The following ROCK1 variants were observed in gnomAD, a reference collection of about 807,000 sequenced individuals.
The protein encoded by ROCK1 is Rho associated coiled-coil containing protein kinase 1.
A neutral mutation model predicts 196.8 loss-of-function variants in ROCK1; 36 were observed. The ratio of observed to expected loss-of-function variants is 0.18; its 90% CI spans 0.14 to 0.24. ROCK1 has a LOEUF of 0.24. Ranked by LOEUF, ROCK1 falls within the 10% of genes least tolerant of loss-of-function variation. The pLI, the probability that ROCK1 is intolerant of heterozygous loss-of-function variation, is 1.00. For missense variants in ROCK1, 920 were observed against 1,562.0 expected (o/e 0.59, Z 6.93); for synonymous variants, 443 against 515.9 (o/e 0.86, Z 1.91).
intron 20 of ROCK1, among the ~76,000 whole-genome samples, chr18:20,983,946 G>A (rs1174779631): frequency 6.6e-6 from 1 of 152,150 alleles, no homozygotes; most frequent in African/African-American, 2.4e-5. Context: ...TTTCAAATAA[G>A]GAGGCATATC....
chr18:21,064,457 T>C (rs1344274276), intron 2 of ROCK1, among the ~76,000 whole-genome samples: 2 of 152,228 alleles, frequency 1.3e-5, no homozygotes, highest in Non-Finnish European at 2.9e-5. Context: ...ATCCATGAGA[T>C]GGTAAGAGCT....
At chr18:21,043,112 T>G (rs1362796847) in intron 6 of ROCK1, among the ~76,000 whole-genome samples, 1 of 152,084 alleles carries the variant, frequency 6.6e-6, no homozygotes, top group Non-Finnish European at 1.5e-5. Flanking sequence ...CCAGTGCAAA[T>G]ACACTGGGGA....
chr18:21,019,559 C>T (rs1294573511), intron 12 of ROCK1, among the ~76,000 whole-genome samples: 2 of 151,664 alleles, frequency 1.3e-5, no homozygotes, highest in African/African-American at 4.8e-5. Flanking sequence ...TTTTGGAGGC[C>T]GAGGCGGGCA....
chr18:20,965,348 C>G (rs1202665991), intron 27 of ROCK1, among the ~76,000 whole-genome samples: 2 of 152,098 alleles, frequency 1.3e-5, no homozygotes, highest in African/African-American at 4.8e-5. Flanking sequence ...GATCACGCCA[C>G]TGCACTCTAG....
chr18:20,994,371 T>C (rs2143413618), intron 16 of ROCK1, among the ~76,000 whole-genome samples: 1 of 152,312 alleles, frequency 6.6e-6, no homozygotes, highest in South Asian at 2.1e-4. Context: ...TAGTGGTTCA[T>C]GCCTGTAATC....
chr18:21,030,777 C>T (rs942604053), intron 9 of ROCK1, among the ~76,000 whole-genome samples: 1 of 152,106 alleles, frequency 6.6e-6, no homozygotes, highest in Admixed American at 6.5e-5. Flanking sequence ...CATTAAATAA[C>T]TGTTAATTTA....
chr18:20,978,432 T>C (rs983564776), intron 22 of ROCK1, among the ~76,000 whole-genome samples: 1 of 152,230 alleles, frequency 6.6e-6, no homozygotes, highest in Admixed American at 6.5e-5. Flanking sequence ...ATGTCAGAAA[T>C]GTTCTATATC....
rs1250960107 is a variant in ROCK1, at chr18:21,039,368, G to A, written c.1051+104C>T. 6.4e-6 allele frequency: 5 copies of A among 778,890 alleles called. No homozygotes were observed. In the African/African-American group the frequency reaches 8.8e-5, roughly 14 times the overall value. The allele number at this position is 778,890 out of a possible 1,614,324, so 48.2% of individuals were successfully genotyped here. ...TTCCCATATAGTATTTGTGGCTTCT[G>A]ATTTTCATCAGATACACACAAATAT... On this transcript the variant is annotated intron_variant, in intron 9 of 32. Coordinates refer to ENST00000399799, the MANE Select transcript of ROCK1 (RefSeq NM_005406.3).
intron 2 of ROCK1, 69 bp downstream of exon 2, chr18:21,070,463 G>A: frequency 1.3e-6 from 1 of 776,732 alleles, no homozygotes; most frequent in Non-Finnish European, 2.1e-6. Flanking sequence ...AAAAATAAGG[G>A]CTTGAATGAC....
At chr18:21,091,921 A>G (rs1207559232) in intron 1 of ROCK1, among the ~76,000 whole-genome samples, 7 of 152,058 alleles carry the variant, frequency 4.6e-5, no homozygotes, top group Non-Finnish European at 1.0e-4. Context: ...CAAAGGTTGC[A>G]GTGAGCCGAG....
chr18:21,045,635 T>C (rs528022784), intron 4 of ROCK1, among the ~76,000 whole-genome samples, 168 bp from the exon 5 acceptor site: 1 of 152,306 alleles, frequency 6.6e-6, no homozygotes, highest in African/African-American at 2.4e-5. Context: ...ACAAAGACCC[T>C]TGTATATGCA....
In ROCK1 at chr18:20,948,166, A is replaced by G. The variant is rs2035147812; in HGVS notation, c.*3218T>C. The G allele has an allele frequency of 6.6e-6, 1 of 152,224 alleles. No individual in the cohort carries two copies. Among genetic ancestry groups the G allele is most frequent in the African/African-American group, 2.4e-5 (1 of 41,452 alleles). 9.4% of individuals were successfully genotyped at this position (152,224 alleles called of 1,614,324 possible). On this transcript the variant is annotated 3_prime_UTR_variant, in exon 33 of 33. Coordinates refer to ENST00000399799, the MANE Select transcript of ROCK1 (RefSeq NM_005406.3). The stretch of plus-strand genomic sequence containing the variant: ...CAAAAGGCCAAGAATAGCCAAGCCA[A>G]TTGGGAGGGATTACAAAGTTGGACT...
intron 1 of ROCK1, among the ~76,000 whole-genome samples, chr18:21,074,161 AAATC>A (rs2036410539): frequency 1.3e-5 from 2 of 152,152 alleles, no homozygotes; most frequent in African/African-American, 4.8e-5. Context: ...CTGTCTCTAA[AAATC>A]AATCAGTCTG....
chr18:20,958,272 C>T (rs8096762), intron 29 of ROCK1, among the ~76,000 whole-genome samples: 79,040 of 144,186 alleles, frequency 0.55, 21,748 homozygotes, highest in African/African-American at 0.72. Context: ...TAATTCTTTT[C>T]ACATTCTAAC....
chr18:20,973,552 C>T (rs967490186), intron 22 of ROCK1, among the ~76,000 whole-genome samples: 4 of 152,044 alleles, frequency 2.6e-5, no homozygotes, highest in East Asian at 1.9e-4. Flanking sequence ...GCTGGGATTA[C>T]GGGCATGAGT....
intron 10 of ROCK1, among the ~76,000 whole-genome samples, chr18:21,024,831 A>C (rs1345937944): frequency 6.6e-6 from 1 of 152,234 alleles, no homozygotes; most frequent in East Asian, 1.9e-4. Flanking sequence ...GCTGTGTAGC[A>C]GCTTTATAGA....
At chr18:21,012,414 T>C (rs941570277) in intron 13 of ROCK1, among the ~76,000 whole-genome samples, 1 of 152,226 alleles carries the variant, frequency 6.6e-6, no homozygotes, top group Non-Finnish European at 1.5e-5. Context: ...CACAGAATTC[T>C]AGGTTGATAG....
intron 1 of ROCK1, among the ~76,000 whole-genome samples, chr18:21,075,524 GACT>G (rs2036422077): frequency 1.3e-5 from 2 of 152,290 alleles, no homozygotes; most frequent in South Asian, 4.1e-4. Flanking sequence ...GAGAGATTGG[GACT>G]ACAATACAGA....
At chr18:20,969,688 C>T (rs1027318290) in intron 23 of ROCK1, among the ~76,000 whole-genome samples, 1 of 151,722 alleles carries the variant, frequency 6.6e-6, no homozygotes, top group African/African-American at 2.4e-5. Flanking sequence ...TTATTTAATC[C>T]TCATAACAAT....
Sources: gnomAD v4.1 joint callset for allele counts (sites outside exome capture counted in the v4.1 genomes callset) on GRCh38, gnomAD v4.1.1 for gene constraint, MANE v1.5 for transcripts, NCBI Gene and HGNC (gene_info 2026-07-23, HGNC 2026-07-21) for gene names.